Variants in UNC5A observed in about 807,000 individuals in gnomAD.
UNC5A encodes unc-5 netrin receptor A.
UNC5A carries 20 observed loss-of-function variants against 87.4 expected under a neutral mutation model. The ratio of observed to expected loss-of-function variants is 0.23; its 90% CI spans 0.16 to 0.33. The LOEUF (loss-of-function observed/expected upper bound fraction) is 0.33. Ranked by LOEUF, UNC5A falls within the 10% of genes least tolerant of loss-of-function variation. The pLI, the probability that UNC5A is intolerant of heterozygous loss-of-function variation, is 1.00. For missense variants in UNC5A, 844 were observed against 1,133.4 expected (o/e 0.74, Z 3.67); for synonymous variants, 438 against 482.3 (o/e 0.91, Z 1.20).
chr5:176,853,821 T>C (rs1201589846), intron 1 of UNC5A, among the ~76,000 whole-genome samples: 1 of 152,038 alleles, frequency 6.6e-6, no homozygotes, highest in East Asian at 1.9e-4. Context: ...TCCTGTGCTA[T>C]TGGGGGTGAC....
intron 1 of UNC5A, among the ~76,000 whole-genome samples, chr5:176,842,492 GATATAT>G (rs35268512): frequency 2.0e-4 from 29 of 145,572 alleles, no homozygotes; most frequent in Non-Finnish European, 4.0e-4. Flanking sequence ...GAGAAACTGT[GATATAT>G]ATATATATAT....
chr5:176,842,128 C>T (rs1382296133), intron 1 of UNC5A, among the ~76,000 whole-genome samples: 3 of 152,198 alleles, frequency 2.0e-5, no homozygotes, highest in East Asian at 1.9e-4. Flanking sequence ...ACCCGGGAGG[C>T]GGAGTTTGCA....
chr5:176,862,495 G>A (rs1757864733), intron 1 of UNC5A, 129 bp from the exon 2 acceptor site: 1 of 890,406 alleles, frequency 1.1e-6, no homozygotes, highest in Non-Finnish European at 1.8e-6. Context: ...GCCCAGCTGG[G>A]ACATGGCAGA....
At chr5:176,825,766 G>A (rs1756836347) in intron 1 of UNC5A, among the ~76,000 whole-genome samples, 1 of 152,228 alleles carries the variant, frequency 6.6e-6, no homozygotes, top group South Asian at 2.1e-4. Flanking sequence ...AAGGTCCAGA[G>A]CCTCATAAAG....
chr5:176,879,262 G>C (rs141684113), intron 13 of UNC5A, 48 bp from the exon 14 acceptor site: 2 of 1,524,176 alleles, frequency 1.3e-6, no homozygotes, highest in Non-Finnish European at 1.8e-6. Context: ...CGGTGGACCC[G>C]GGCCTGGGGA....
At chr5:176,856,865 T>C (rs1757679565) in intron 1 of UNC5A, among the ~76,000 whole-genome samples, 1 of 152,088 alleles carries the variant, frequency 6.6e-6, no homozygotes, top group Non-Finnish European at 1.5e-5. Flanking sequence ...TCCCAACTCC[T>C]GACTCGACTG....
At chr5:176,817,954 C>A (rs1230322886) in intron 1 of UNC5A, among the ~76,000 whole-genome samples, 1 of 152,088 alleles carries the variant, frequency 6.6e-6, no homozygotes, top group African/African-American at 2.4e-5. Context: ...CCGCCCGCGG[C>A]CGCCCGCCGG....
At chr5:176,867,940 C>A (rs940449254) in intron 2 of UNC5A, among the ~76,000 whole-genome samples, 190 bp from the exon 3 acceptor site, 3 of 151,828 alleles carry the variant, frequency 2.0e-5, no homozygotes, top group Non-Finnish European at 4.4e-5. Context: ...GCCCTTGGGC[C>A]CCCTGGAGTT....
rs1163060164 is a variant in UNC5A at position 176,868,611 on chromosome 5, G to A, written c.487G>A (p.Glu163Lys). 1 of 1,607,224 alleles carries A rather than the reference G, an allele frequency of 6.2e-7. No individual in the cohort carries two copies. The highest frequency in any genetic ancestry group is 8.5e-7 in the Non-Finnish European group (1 of 1,177,526). ...GCCGCTGGCCAAGGAGGTGTCCCTG[G>A]AGCAGGGCATCGTGCTGCCCTGCCG... ...QEPLAKEVSLEQGIVLPCRPP... is the reference protein window; with the variant it reads ...QEPLAKEVSLKQGIVLPCRPP... Residue 163 changes from glutamate (E) to lysine (K), a missense_variant, in exon 4 of 15, where the codon GAG becomes AAG. Coordinates refer to ENST00000329542, the MANE Select transcript of UNC5A (RefSeq NM_133369.3).
Position 176,877,292 on chromosome 5 carries a change from G to C in UNC5A, c.1466+13G>C. The C allele has an allele frequency of 6.2e-7, 1 of 1,608,406 alleles. No homozygotes were observed. Among genetic ancestry groups the C allele is most frequent in the Non-Finnish European group, 8.5e-7 (1 of 1,176,934 alleles). ...CGGAAGACGTGAGGTGTGGCCGCGG[G>C]CCCTGTTGCCGGGGGTGGGAGGGAC... On this transcript the variant is annotated intron_variant, in intron 9 of 14. Coordinates refer to ENST00000329542, the MANE Select transcript of UNC5A (RefSeq NM_133369.3).
chr5:176,839,507 G>T (rs936025047), intron 1 of UNC5A, among the ~76,000 whole-genome samples: 1 of 152,364 alleles, frequency 6.6e-6, no homozygotes, highest in East Asian at 1.9e-4. Context: ...CAGGAGGGCC[G>T]CTGTCTGGAC....
At chr5:176,870,662 C>A in intron 6 of UNC5A, 128 bp downstream of exon 6, 1 of 1,086,008 alleles carries the variant, frequency 9.2e-7, no homozygotes, top group Non-Finnish European at 1.3e-6. Context: ...TCAGGACCCA[C>A]TGAGATCCCC....
chr5:176,872,283 A>C (rs1369415795), intron 6 of UNC5A, among the ~76,000 whole-genome samples: 2 of 18,172 alleles, frequency 1.1e-4, no homozygotes, highest in Non-Finnish European at 1.6e-4. Context: ...ACACTCGCCC[A>C]ACACCACAGC....
At chr5:176,855,157 G>A (rs1213680378) in intron 1 of UNC5A, among the ~76,000 whole-genome samples, 1 of 152,262 alleles carries the variant, frequency 6.6e-6, no homozygotes, top group Non-Finnish European at 1.5e-5. Context: ...CCCTTGCACT[G>A]GTTGTCTCCA....
At chr5:176,811,438 G>A (rs909560748) in intron 1 of UNC5A, among the ~76,000 whole-genome samples, 3 of 152,224 alleles carry the variant, frequency 2.0e-5, no homozygotes, top group Non-Finnish European at 2.9e-5. Context: ...CGGTGGCCGG[G>A]GCTGTGGCTC....
intron 1 of UNC5A, among the ~76,000 whole-genome samples, chr5:176,829,715 C>T (rs62402762): frequency 0.19 from 29,407 of 151,768 alleles, 3,513 homozygotes; most frequent in Admixed American, 0.27. Flanking sequence ...AGAAGACTCC[C>T]TTGCCATATT....
At chr5:176,857,568 C>T (rs1757699070) in intron 1 of UNC5A, among the ~76,000 whole-genome samples, 1 of 152,180 alleles carries the variant, frequency 6.6e-6, no homozygotes, top group Admixed American at 6.5e-5. Context: ...CTCCTCCTTG[C>T]TATTCCTGAG....
chr5:176,827,339 C>T (rs931958430), intron 1 of UNC5A, among the ~76,000 whole-genome samples: 10 of 152,042 alleles, frequency 6.6e-5, no homozygotes, highest in East Asian at 1.9e-4. Context: ...TGCACCACCA[C>T]GCCCAGCCAA....
At chr5:176,817,891 T>G (rs1001871137) in intron 1 of UNC5A, among the ~76,000 whole-genome samples, 10 of 151,796 alleles carry the variant, frequency 6.6e-5, no homozygotes, top group Non-Finnish European at 1.0e-4. Flanking sequence ...ATTAACGCGC[T>G]GCAAACTCCG....
Sources: allele counts gnomAD v4.1 joint callset (sites outside exome capture counted in the v4.1 genomes callset), GRCh38; gene constraint gnomAD v4.1.1; transcripts MANE v1.5; gene names NCBI Gene and HGNC (gene_info 2026-07-23, HGNC 2026-07-21).